Variants in ADAM29 observed in about 807,000 individuals in gnomAD.
ADAM29 encodes the protein ADAM metallopeptidase domain 29, also known as disintegrin and metalloproteinase domain-containing protein 29.
For missense variants in ADAM29, 969 were observed against 1,001.8 expected (o/e 0.97, Z 0.44); for synonymous variants, 367 against 342.3 (o/e 1.07, Z -0.80).
intron 2 of ADAM29, among the ~76,000 whole-genome samples, chr4:174,926,005 A>G (rs1444708421): frequency 6.6e-6 from 1 of 152,196 alleles, no homozygotes; most frequent in Non-Finnish European, 1.5e-5. Flanking sequence ...AAAAAATTGT[A>G]TCCTTTATTT....
chr4:174,949,167 G>T (rs969535647), intron 4 of ADAM29, among the ~76,000 whole-genome samples: 1 of 152,106 alleles, frequency 6.6e-6, no homozygotes, highest in African/African-American at 2.4e-5. Context: ...GGCCCCAGGA[G>T]ATGCCAGTAG....
intron 4 of ADAM29, among the ~76,000 whole-genome samples, chr4:174,940,071 T>C (rs1744441848): frequency 6.6e-6 from 1 of 152,076 alleles, no homozygotes; most frequent in South Asian, 2.1e-4. Context: ...GGGTAGATTT[T>C]ATATAGTTAG....
Position 174,977,451 on chromosome 4 carries a change from C to T in ADAM29, c.1926C>T (p.Cys642=). 2.5e-6 allele frequency: 4 copies of T among 1,613,768 alleles called. No individual in the cohort carries two copies. Among genetic ancestry groups the T allele is most frequent in the Non-Finnish European group, 3.4e-6 (4 of 1,179,824 alleles). The change falls in exon 5 of 5, where the codon TGC becomes TGT. Residue 642 remains cysteine (C), a synonymous_variant. Coordinates refer to ENST00000359240, the MANE Select transcript of ADAM29 (RefSeq NM_014269.4). ...GCATCTGCAACAATAAACATCACTG[C>T]CATTGCAATTATCTGTGGGACCCTC... ...KRGICNNKHH[C]HCNYLWDPPN... is the part of the protein sequence containing the mutation.
chr4:174,957,675 G>A (rs1280088805), intron 4 of ADAM29, among the ~76,000 whole-genome samples: 2 of 151,554 alleles, frequency 1.3e-5, no homozygotes, highest in South Asian at 2.1e-4. Context: ...AATAGATAGA[G>A]GGCTGTTTGG....
At chr4:174,927,927 C>A (rs1743614170) in intron 2 of ADAM29, among the ~76,000 whole-genome samples, 1 of 152,130 alleles carries the variant, frequency 6.6e-6, no homozygotes, top group Admixed American at 6.5e-5. Context: ...CCAAGGGAGA[C>A]TTAATCCTTT....
chr4:174,946,930 TG>T (rs2110998699), intron 4 of ADAM29, among the ~76,000 whole-genome samples: 1 of 152,306 alleles, frequency 6.6e-6, no homozygotes, highest in African/African-American at 2.4e-5. Context: ...AACTCATTAT[TG>T]GTCTGTTCAG....
At chr4:174,920,874 A>AT (rs1302757393) in intron 2 of ADAM29, 82 bp downstream of exon 2, 1 of 152,176 alleles carries the variant, frequency 6.6e-6, no homozygotes, top group Non-Finnish European at 1.5e-5. Flanking sequence ...AAGTATTTTA[A>AT]TAACTCTAAT....
rs144097968 is a variant in ADAM29 at position 174,964,508 on chromosome 4, A to G, written c.-180-10838A>G. Among the ~76,000 whole-genome samples, 39 of 152,288 alleles carry G rather than the reference A, an allele frequency of 2.6e-4. 1 individual carries two copies. In the East Asian group the frequency reaches 7.5e-3, roughly 29 times the overall value. ...TTGCAGAGAATGCAGAAGTGTAAAGATAAGAAACCCCAAAATAATTAAGAA... is the reference window on the plus strand; with the variant it reads ...TTGCAGAGAATGCAGAAGTGTAAAGGTAAGAAACCCCAAAATAATTAAGAA... On this transcript the variant is annotated intron_variant, in intron 4 of 4. Coordinates refer to ENST00000359240, the MANE Select transcript of ADAM29 (RefSeq NM_014269.4).
intron 4 of ADAM29, among the ~76,000 whole-genome samples, chr4:174,943,411 A>G (rs10026408): frequency 0.7 from 106,944 of 152,086 alleles, 39,206 homozygotes; most frequent in Non-Finnish European, 0.8. Context: ...TTTAAAAAGA[A>G]GCTTAATTGA....
chr4:174,972,668 G>A (rs1746538004), intron 4 of ADAM29, among the ~76,000 whole-genome samples: 1 of 152,162 alleles, frequency 6.6e-6, no homozygotes, highest in Non-Finnish European at 1.5e-5. Flanking sequence ...GCAGGAGGGA[G>A]TATCTATGGT....
intron 4 of ADAM29, among the ~76,000 whole-genome samples, chr4:174,951,695 G>A (rs1048163614): frequency 6.6e-6 from 1 of 152,174 alleles, no homozygotes; most frequent in African/African-American, 2.4e-5. Context: ...TGGATGATTA[G>A]CTGAGGGGTT....
At chr4:174,969,498 T>A (rs1746347391) in intron 4 of ADAM29, among the ~76,000 whole-genome samples, 2 of 151,848 alleles carry the variant, frequency 1.3e-5, no homozygotes, top group Admixed American at 6.6e-5. Context: ...AGAAAGAAAA[T>A]ACAAGTAACA....
chr4:174,952,709 C>T (rs556850564), intron 4 of ADAM29, among the ~76,000 whole-genome samples: 1 of 145,454 alleles, frequency 6.9e-6, no homozygotes, highest in African/African-American at 2.6e-5. Flanking sequence ...GGTATTCTGT[C>T]GTTCACCTCT....
intron 4 of ADAM29, among the ~76,000 whole-genome samples, chr4:174,972,755 G>A (rs1381923092): frequency 6.6e-6 from 1 of 152,100 alleles, no homozygotes; most frequent in Non-Finnish European, 1.5e-5. Flanking sequence ...CTCTAAGACT[G>A]GTCAGTAAGA....
intron 3 of ADAM29, among the ~76,000 whole-genome samples, chr4:174,935,771 T>G (rs1461871795): frequency 1.3e-5 from 2 of 152,106 alleles, no homozygotes; most frequent in Non-Finnish European, 2.9e-5. Flanking sequence ...AGGCTGTGTG[T>G]CTCTGTAAAT....
Position 174,977,049 on chromosome 4 carries a change from T to A in ADAM29, c.1524T>A (p.Ile508=), listed in dbSNP as rs1180262286. 1.2e-6 allele frequency: 2 copies of A among 1,614,010 alleles called. No homozygotes were observed. Among genetic ancestry groups the A allele is most frequent in the African/African-American group, 2.7e-5 (2 of 74,906 alleles). Reference sequence around the variant, plus strand: ...ACCGCAATGAACAGTGTAGGAGGATTTTTGGTGCAGGCGCAAATACTGCAA... The same window carrying A: ...ACCGCAATGAACAGTGTAGGAGGATATTTGGTGCAGGCGCAAATACTGCAA... ...CHDRNEQCRR[I]FGAGANTASE... The change falls in exon 5 of 5, where the codon ATT becomes ATA. Residue 508 remains isoleucine (I), a synonymous_variant. Coordinates refer to ENST00000359240, the MANE Select transcript of ADAM29 (RefSeq NM_014269.4).
At chr4:174,957,542 A>C (rs187886543) in intron 4 of ADAM29, among the ~76,000 whole-genome samples, 1 of 151,794 alleles carries the variant, frequency 6.6e-6, no homozygotes, top group African/African-American at 2.4e-5. Context: ...TGTATCTAGG[A>C]GTAAGAAATA....
chr4:174,977,868 G>C lies in ADAM29; in HGVS notation c.2343G>C (p.Val781=), dbSNP rs772303129. Residue 781 remains valine (V), a synonymous_variant, in exon 5 of 5, where the codon GTG becomes GTC. Coordinates refer to ENST00000359240, the MANE Select transcript of ADAM29 (RefSeq NM_014269.4). ...RVMPSQSQPP[V]MPSQSHPQLT... ...TGCCTTCTCAGAGTCAACCTCCTGT[G>C]ATGCCTTCCCAGAGTCATCCTCAGT... 1.3e-6 allele frequency: 2 copies of C among 1,586,864 alleles called. No homozygotes were observed. The highest frequency in any genetic ancestry group is 1.7e-6 in the Non-Finnish European group (2 of 1,165,596).
intron 2 of ADAM29, among the ~76,000 whole-genome samples, chr4:174,927,604 TGTTTGC>T (rs1743593436): frequency 6.6e-6 from 1 of 152,226 alleles, no homozygotes; most frequent in African/African-American, 2.4e-5. Flanking sequence ...AAATATTCCT[TGTTTGC>T]ATACAAATTG....
Sources: gnomAD v4.1 joint callset for allele counts (sites outside exome capture counted in the v4.1 genomes callset) on GRCh38, gnomAD v4.1.1 for gene constraint, MANE v1.5 for transcripts, NCBI Gene and HGNC (gene_info 2026-07-23, HGNC 2026-07-21) for gene names.